The following PDE1B variants were observed in gnomAD, a reference collection of about 807,000 sequenced individuals.
PDE1B encodes dual specificity calcium/calmodulin-dependent 3',5'-cyclic nucleotide phosphodiesterase 1B.
In PDE1B, 13 loss-of-function variants were observed where a neutral mutation model predicts 66.7. The ratio of observed to expected loss-of-function variants is 0.19; its 90% CI spans 0.13 to 0.31. The LOEUF is 0.31. Among genes scored for constraint, PDE1B ranks in the 10% least tolerant of loss-of-function variants. The pLI is 1.00. For synonymous variants in PDE1B, 230 were observed against 253.9 expected (o/e 0.91, Z 0.90); for missense variants, 485 against 682.3 (o/e 0.71, Z 3.22).
In PDE1B at chr12:54,575,818, G is replaced by T. The variant is rs1957730722; in HGVS notation, c.1268-174G>T. 2 of 719,086 alleles carry T rather than the reference G, an allele frequency of 2.8e-6. No homozygotes were observed. The highest frequency in any genetic ancestry group is 3.2e-5 in the South Asian group (2 of 61,710). The allele number at this position is 719,086 out of a possible 1,614,324, so 44.5% of individuals were successfully genotyped here. A position where few individuals can be genotyped will look rare whatever the true frequency, so the allele number is the denominator to read the frequency against. ...TGCAATGGCAGGAAGGAGCTCTCTG[G>T]GGCACCAAGACATCATCCCAAAGCC... On this transcript the variant is annotated intron_variant, in intron 12 of 15. Transcript: ENST00000243052. The surrounding 1 kb of genome is among the most constrained non-coding windows in gnomAD (Gnocchi z 4.0).
intron 2 of PDE1B, among the ~76,000 whole-genome samples, chr12:54,558,097 A>G (rs555820797): frequency 6.6e-6 from 1 of 152,068 alleles, no homozygotes; most frequent in Admixed American, 6.5e-5. Context: ...GTTGCTAGGA[A>G]CACCTGTTAG....
At chr12:54,556,248 A>T (rs2121040052) in intron 2 of PDE1B, among the ~76,000 whole-genome samples, 1 of 152,240 alleles carries the variant, frequency 6.6e-6, no homozygotes, top group East Asian at 1.9e-4. Context: ...GGGAGACTGG[A>T]AGTTGTTAGA....
At chr12:54,550,022 T>C (rs769240871) in intron 2 of PDE1B, 37 bp downstream of exon 2, 8 of 1,603,130 alleles carry the variant, frequency 5.0e-6, no homozygotes, top group Non-Finnish European at 6.8e-6. Context: ...GAAGGGACCT[T>C]AGGGAGCCTG....
At chr12:54,576,503 C>T in intron 13 of PDE1B, 68 bp from the exon 14 acceptor site, 1 of 1,595,920 alleles carries the variant, frequency 6.3e-7, no homozygotes, top group Non-Finnish European at 8.6e-7. Flanking sequence ...CCTGCACTCC[C>T]AGGGCTAAGG....
chr12:54,568,781 G>A (rs770272038), intron 3 of PDE1B, among the ~76,000 whole-genome samples: 2 of 152,126 alleles, frequency 1.3e-5, no homozygotes, highest in Non-Finnish European at 2.9e-5. Context: ...GGGCAACGGA[G>A]TGAGACTCCA....
chr12:54,553,827 G>T (rs945549154), intron 2 of PDE1B, among the ~76,000 whole-genome samples: 1 of 152,174 alleles, frequency 6.6e-6, no homozygotes, highest in African/African-American at 2.4e-5. Flanking sequence ...AGAGGATCCA[G>T]AAACTGTGGC....
intron 2 of PDE1B, among the ~76,000 whole-genome samples, chr12:54,559,658 G>T (rs1957381832): frequency 6.6e-6 from 1 of 152,192 alleles, no homozygotes; most frequent in African/African-American, 2.4e-5. Flanking sequence ...CGTCCAACCA[G>T]CTTTGGTTCT....
Position 54,575,213 on chromosome 12 carries a change from C to T in PDE1B, c.1180C>T (p.Arg394Cys), listed in dbSNP as rs958466168. 3.7e-6 allele frequency: 6 copies of T among 1,613,238 alleles called. No individual in the cohort carries two copies. The highest frequency in any genetic ancestry group is 2.2e-5 in the East Asian group (1 of 44,834). ...CAAGGCCCTCATGGAGGAATTCTTC[C>T]GTCAGGTAGCGTGGCATCTTTGCCT... ...WTKALMEEFFRQGDKEAELGL... is the reference protein window; with the variant it reads ...WTKALMEEFFCQGDKEAELGL... Residue 394 changes from arginine (R) to cysteine (C), a missense_variant, in exon 11 of 16, where the codon CGT (arginine) becomes TGT (cysteine). By Grantham distance (180) the Arg-to-Cys change is radical. Coordinates refer to ENST00000243052, the MANE Select transcript of PDE1B (RefSeq NM_000924.4). This position sits in a 1 kb window ranked among gnomAD's most constrained non-coding sequence, Gnocchi z 4.0.
In PDE1B at chr12:54,575,717, C is replaced by T. The variant is rs56106125; in HGVS notation, c.1267+85C>T. 2,165 of 992,032 alleles carry T rather than the reference C, an allele frequency of 2.2e-3. 40 individuals are homozygous for T. In the African/African-American group the frequency reaches 0.031, roughly 14 times the overall value. 61.5% of individuals were successfully genotyped at this position (992,032 alleles called of 1,614,324 possible). A position where few individuals can be genotyped will look rare whatever the true frequency, so the allele number is the denominator to read the frequency against. On this transcript the variant is annotated intron_variant, in intron 12 of 15. Coordinates refer to ENST00000243052, the MANE Select transcript of PDE1B (RefSeq NM_000924.4). This position sits in a 1 kb window ranked among gnomAD's most constrained non-coding sequence, Gnocchi z 4.0. ...TCAGGATTGCTCCAAGTCCTCAATC[C>T]CCCCAAACCATTCTTCCTGTAGAGG...
rs374242340 is a variant in PDE1B, at chr12:54,569,296, C to A, written c.340C>A (p.Arg114Ser). 1.1e-5 allele frequency: 17 copies of A among 1,614,010 alleles called. No homozygotes were observed. The highest frequency in any genetic ancestry group is 1.4e-5 in the Non-Finnish European group (17 of 1,179,960). ...CACCCAGCAGGCCCGGGCCAAAGGC[C>A]GCCGAGCAGAGGAGAAGCCCAAGTT... ...TFTQQARAKG[R>S]RAEEKPKFRS... is the part of the protein sequence containing the mutation. The change falls in exon 4 of 16, where the codon CGC (arginine) becomes AGC (serine). Residue 114 changes from arginine (R) to serine (S), a missense_variant. This residue lies in a region of PDE1B where 282 missense variants were observed against 453.4 expected (regional missense o/e 0.62). Coordinates refer to ENST00000243052, the MANE Select transcript of PDE1B (RefSeq NM_000924.4). The surrounding 1 kb of genome is among the most constrained non-coding windows in gnomAD (Gnocchi z 4.4).
In PDE1B at chr12:54,575,851, C is replaced by A; in HGVS notation, c.1268-141C>A. 1 of 764,488 alleles carries A rather than the reference C, an allele frequency of 1.3e-6. No homozygotes were observed. The allele number at this position is 764,488 out of a possible 1,614,324, so 47.4% of individuals were successfully genotyped here. On this transcript the variant is annotated intron_variant, in intron 12 of 15. Transcript: ENST00000243052. The surrounding 1 kb of genome is among the most constrained non-coding windows in gnomAD (Gnocchi z 4.0). ...AGACATCATCCCAAAGCCTGCCCTG[C>A]ATTGGGAAGTTTTCAGCCCCAGGTT...
At chr12:54,560,222 G>T (rs577620415) in intron 2 of PDE1B, among the ~76,000 whole-genome samples, 1 of 152,326 alleles carries the variant, frequency 6.6e-6, no homozygotes, top group Non-Finnish European at 1.5e-5. Context: ...AGAAACAGCA[G>T]GTTCCCAAAC....
intron 2 of PDE1B, among the ~76,000 whole-genome samples, chr12:54,565,835 T>A (rs772142213): frequency 2.0e-5 from 3 of 152,178 alleles, no homozygotes; most frequent in African/African-American, 4.8e-5. Context: ...AACGCCATTG[T>A]TCTCCCTCCC....
intron 2 of PDE1B, among the ~76,000 whole-genome samples, chr12:54,555,975 A>G (rs1463653612): frequency 6.6e-6 from 1 of 152,048 alleles, no homozygotes; most frequent in East Asian, 1.9e-4. Flanking sequence ...ATGGTACAGG[A>G]TAAGCTTGCT....
At position 54,576,256 on chromosome 12, in the gene PDE1B, G is replaced by A. The variant is rs114032031; in HGVS notation, c.1376+156G>A. ...AGTCCCTCTGCCGTCAGGGACAGAA[G>A]GATGGGATCAGAAGGGTGTGACCTG... On this transcript the variant is annotated intron_variant, in intron 13 of 15. Transcript: ENST00000243052. 792 of 649,628 alleles carry A rather than the reference G, an allele frequency of 1.2e-3. 4 individuals are homozygous for A. The African/African-American group carries it at 0.012, about 10-fold the overall frequency. The allele number at this position is 649,628 out of a possible 1,614,324, so 40.2% of individuals were successfully genotyped here. A position where few individuals can be genotyped will look rare whatever the true frequency, so the allele number is the denominator to read the frequency against.
At chr12:54,576,454 AAGAT>A in intron 13 of PDE1B, 113 bp from the exon 14 acceptor site, 2 of 1,208,240 alleles carry the variant, frequency 1.7e-6, no homozygotes, top group Non-Finnish European at 2.4e-6. Context: ...GGAAAAGAGG[AAGAT>A]GAAGTTCCCT....
At chr12:54,559,648 C>T (rs1340621732) in intron 2 of PDE1B, among the ~76,000 whole-genome samples, 2 of 152,174 alleles carry the variant, frequency 1.3e-5, no homozygotes, top group Non-Finnish European at 2.9e-5. Context: ...AGCAGCCATT[C>T]GTCCAACCAG....
At chr12:54,560,464 G>T (rs778195284) in intron 2 of PDE1B, among the ~76,000 whole-genome samples, 1 of 152,120 alleles carries the variant, frequency 6.6e-6, no homozygotes, top group Non-Finnish European at 1.5e-5. Flanking sequence ...GCAGATCCCT[G>T]AACTCTTTTC....
Position 54,569,472 on chromosome 12 carries a change from C to G in PDE1B, c.411-74C>G. 6.3e-7 allele frequency: 1 copy of G among 1,578,294 alleles called. No individual in the cohort carries two copies. The highest frequency in any genetic ancestry group is 8.7e-7 in the Non-Finnish European group (1 of 1,148,700). The stretch of plus-strand genomic sequence containing the variant: ...CAGCCATATGATCCCATGGCTCATC[C>G]CCACATCCCCAGCTGGCCACACCTC... On this transcript the variant is annotated intron_variant, in intron 4 of 15. Transcript: ENST00000243052. This position sits in a 1 kb window ranked among gnomAD's most constrained non-coding sequence, Gnocchi z 4.4.
Sources: gnomAD v4.1 joint callset for allele counts (sites outside exome capture counted in the v4.1 genomes callset) on GRCh38, gnomAD v4.1.1 for gene constraint, gnomAD v4.1.1 regional missense constraint, Gnocchi (gnomAD v3.1) non-coding constraint, MANE v1.5 for transcripts, NCBI Gene and HGNC (gene_info 2026-07-23, HGNC 2026-07-21) for gene names.